CCDC150: variants seen among roughly 807,000 people sequenced by gnomAD.
CCDC150 encodes coiled-coil domain-containing protein 150.
A neutral mutation model predicts 156.5 loss-of-function variants in CCDC150; 151 were observed. The ratio of observed to expected loss-of-function variants is 0.97; its 90% CI spans 0.85 to 1.10. The LOEUF (loss-of-function observed/expected upper bound fraction) is 1.10, where lower values mean the gene tolerates loss of function less well. Among genes scored for constraint, CCDC150 ranks in the 50% least tolerant of loss-of-function variants. CCDC150 has a pLI of 0.00. For missense variants in CCDC150, 1,312 were observed against 1,268.1 expected (o/e 1.03, Z -0.53); for synonymous variants, 452 against 429.4 (o/e 1.05, Z -0.65).
chr2:196,642,921 T>C (rs1692323405), intron 1 of CCDC150, among the ~76,000 whole-genome samples: 1 of 152,066 alleles, frequency 6.6e-6, no homozygotes. Context: ...TAAAAATTTT[T>C]GGAAGAGAAT....
chr2:196,691,812 G>A (rs1478813949), intron 13 of CCDC150, among the ~76,000 whole-genome samples: 1 of 152,044 alleles, frequency 6.6e-6, no homozygotes, highest in East Asian at 1.9e-4. Flanking sequence ...GTGGTGGCAT[G>A]GGCCTGTAGT....
intron 17 of CCDC150, among the ~76,000 whole-genome samples, chr2:196,716,090 A>C (rs1302363443): frequency 1.3e-5 from 2 of 152,242 alleles, no homozygotes; most frequent in Admixed American, 1.3e-4. Flanking sequence ...GCTGGTAAAT[A>C]AGTGCTTGAA....
rs777434453 is a variant in CCDC150 at position 196,674,362 on chromosome 2, A to G, written c.1137+14A>G. The G allele has an allele frequency of 1.2e-5, 19 of 1,546,584 alleles. No homozygotes were observed. The South Asian group carries it at 1.9e-4, about 15-fold the overall frequency. ...GCCATTCTGCAGGTATTCGTTTAAC[A>G]TGAAAGCCAACCAGAAAGCCAGCCT... On this transcript the variant is annotated intron_variant, in intron 10 of 27. Coordinates refer to ENST00000389175, the MANE Select transcript of CCDC150 (RefSeq NM_001080539.2).
intron 12 of CCDC150, 71 bp downstream of exon 12, chr2:196,676,802 C>A: frequency 7.5e-7 from 1 of 1,332,800 alleles, no homozygotes; most frequent in Non-Finnish European, 1.0e-6. Flanking sequence ...ATTCTAAATG[C>A]AAAAGACAAG....
intron 17 of CCDC150, chr2:196,713,730 A>T (rs1348369600): frequency 1.4e-6 from 2 of 1,384,744 alleles, no homozygotes; most frequent in Non-Finnish European, 9.4e-7. Context: ...TTAAATTTAT[A>T]CAAGAATGAA....
rs1431166584 is a variant in CCDC150, at chr2:196,656,381, G to A, written c.177-252G>A. On this transcript the variant is annotated intron_variant, in intron 2 of 27. Transcript: ENST00000389175. Reference sequence around the variant, plus strand: ...CAATGTGGATATTTTCTCAGTTGCCGGATACAGAAAAGTCTCTCAACTTGT... The same window carrying A: ...CAATGTGGATATTTTCTCAGTTGCCAGATACAGAAAAGTCTCTCAACTTGT... 4.6e-5 allele frequency among the ~76,000 whole-genome samples: 7 copies of A among 152,180 alleles called. No individual in the cohort carries two copies. In the East Asian group the frequency reaches 7.7e-4, roughly 17 times the overall value.
chr2:196,710,728 T>C (rs1214382086), intron 15 of CCDC150, among the ~76,000 whole-genome samples: 1 of 152,218 alleles, frequency 6.6e-6, no homozygotes, highest in African/African-American at 2.4e-5. Context: ...CATAAAACAA[T>C]ACTATATACT....
intron 2 of CCDC150, among the ~76,000 whole-genome samples, chr2:196,656,210 A>C (rs1693177769): frequency 6.6e-6 from 1 of 152,116 alleles, no homozygotes; most frequent in African/African-American, 2.4e-5. Flanking sequence ...ACTGTGGGGA[A>C]TCTTAGAGTT....
At chr2:196,665,500 G>A in intron 5 of CCDC150, 67 bp from the exon 6 acceptor site, 2 of 862,278 alleles carry the variant, frequency 2.3e-6, no homozygotes, top group South Asian at 3.5e-5. Flanking sequence ...AACTTCTCAG[G>A]TAACTTTGAT....
intron 21 of CCDC150, among the ~76,000 whole-genome samples, chr2:196,722,846 C>T (rs1559277646): frequency 6.6e-6 from 1 of 152,000 alleles, no homozygotes; most frequent in Non-Finnish European, 1.5e-5. Flanking sequence ...AATGTAGTCC[C>T]TGCCACTACT....
intron 14 of CCDC150, among the ~76,000 whole-genome samples, chr2:196,699,889 T>C (rs1263458905): frequency 6.6e-6 from 1 of 152,148 alleles, no homozygotes; most frequent in Non-Finnish European, 1.5e-5. Context: ...GTAATCTAGT[T>C]TGGAATGTGT....
chr2:196,664,271 GC>G (rs774662361), intron 5 of CCDC150, among the ~76,000 whole-genome samples: 1 of 152,086 alleles, frequency 6.6e-6, no homozygotes, highest in Non-Finnish European at 1.5e-5. Context: ...TCACAAGATT[GC>G]CCCCCACTTT....
At chr2:196,653,145 G>A (rs1692981472) in intron 2 of CCDC150, among the ~76,000 whole-genome samples, 1 of 152,156 alleles carries the variant, frequency 6.6e-6, no homozygotes, top group African/African-American at 2.4e-5. Context: ...TTAGCATTTG[G>A]CTTCCTTTTA....
In CCDC150 at chr2:196,680,729, G is replaced by T. The variant is rs142106057; in HGVS notation, c.1509+3368G>T. On this transcript the variant is annotated intron_variant, in intron 13 of 27. Coordinates refer to ENST00000389175, the MANE Select transcript of CCDC150 (RefSeq NM_001080539.2). ...AAACATATGTTTTCAGTTGTCCGAG[G>T]TATAACCTAGGAGTGGAACTACTGG... 5.2e-3 allele frequency among the ~76,000 whole-genome samples: 793 copies of T among 152,244 alleles called. 6 individuals carry two copies. The highest frequency in any genetic ancestry group is 0.018 in the African/African-American group (761 of 41,528).
Position 196,639,719 on chromosome 2 carries a change from C to A in CCDC150, c.-48C>A. The stretch of plus-strand genomic sequence containing the variant: ...GTTGGTTTAAAATGCTGTGTTAGTT[C>A]CACGGAAACCCGCTCGCCTGCTGCA... On this transcript the variant is annotated 5_prime_UTR_variant, in exon 1 of 28. Transcript: ENST00000389175. 6.6e-7 allele frequency: 1 copy of A among 1,510,348 alleles called. No individual in the cohort carries two copies. 93.6% of individuals were successfully genotyped at this position (1,510,348 alleles called of 1,614,324 possible). A position where few individuals can be genotyped will look rare whatever the true frequency, so the allele number is the denominator to read the frequency against.
chr2:196,639,718 T>C lies in CCDC150; in HGVS notation c.-49T>C. On this transcript the variant is annotated 5_prime_UTR_variant, in exon 1 of 28. Transcript: ENST00000389175. ...GGTTGGTTTAAAATGCTGTGTTAGT[T>C]CCACGGAAACCCGCTCGCCTGCTGC... is the stretch of plus-strand genomic sequence containing the variant. 1 of 1,509,240 alleles carries C rather than the reference T, an allele frequency of 6.6e-7. No individual in the cohort carries two copies. The highest frequency in any genetic ancestry group is 8.9e-7 in the Non-Finnish European group (1 of 1,119,808). 93.5% of individuals were successfully genotyped at this position (1,509,240 alleles called of 1,614,324 possible).
intron 1 of CCDC150, among the ~76,000 whole-genome samples, chr2:196,645,622 C>T (rs1271669064): frequency 2.6e-5 from 4 of 152,234 alleles, no homozygotes; most frequent in Admixed American, 2.0e-4. Context: ...AATTCTGCTT[C>T]TGTCACTAAT....
chr2:196,655,764 A>G (rs1423379995), intron 2 of CCDC150, among the ~76,000 whole-genome samples: 1 of 152,004 alleles, frequency 6.6e-6, no homozygotes, highest in Non-Finnish European at 1.5e-5. Context: ...TCCTAGAGCT[A>G]GGAGGTTTAA....
At chr2:196,706,869 T>C (rs1290214385) in intron 15 of CCDC150, among the ~76,000 whole-genome samples, 2 of 152,186 alleles carry the variant, frequency 1.3e-5, no homozygotes, top group African/African-American at 4.8e-5. Flanking sequence ...GCTGACTTGA[T>C]TGTGGTGGAT....
Sources: allele counts gnomAD v4.1 joint callset (sites outside exome capture counted in the v4.1 genomes callset), GRCh38; gene constraint gnomAD v4.1.1; transcripts MANE v1.5; gene names NCBI Gene and HGNC (gene_info 2026-07-23, HGNC 2026-07-21).